The following PLCZ1 variants were observed in gnomAD, a reference collection of about 807,000 sequenced individuals.
PLCZ1 encodes 1-phosphatidylinositol 4,5-bisphosphate phosphodiesterase zeta-1.
PLCZ1 carries 64 observed loss-of-function variants against 76.8 expected under a neutral mutation model. The ratio of observed to expected loss-of-function variants is 0.83; its 90% CI spans 0.68 to 1.03. The LOEUF (loss-of-function observed/expected upper bound fraction) is 1.03. PLCZ1 is among the 50% of genes least tolerant of loss of function. The pLI, the probability that PLCZ1 is intolerant of heterozygous loss-of-function variation, is 0.00. For synonymous variants in PLCZ1, 248 were observed against 230.8 expected (o/e 1.07, Z -0.68); for missense variants, 751 against 713.7 (o/e 1.05, Z -0.60).
chr12:18,653,709 G>A, the PLCZ1 span, among the ~76,000 whole-genome samples: 1 of 152,098 alleles, frequency 6.6e-6, no homozygotes, highest in South Asian at 2.1e-4. Context: ...AGTAGACTCT[G>A]AGTTTAATAA....
At chr12:18,680,785 A>G (rs1445940748), downstream of PLCZ1, among the ~76,000 whole-genome samples, 1 of 152,002 alleles carries the variant, frequency 6.6e-6, no homozygotes, top group Non-Finnish European at 1.5e-5. Flanking sequence ...AGGACTCACT[A>G]TTGGATTTGG....
intron 6 of PLCZ1, among the ~76,000 whole-genome samples, chr12:18,710,642 T>C (rs1354084063): frequency 6.6e-6 from 1 of 152,066 alleles, no homozygotes; most frequent in Non-Finnish European, 1.5e-5. Context: ...GGCAGTGGGA[T>C]CATTTAAATG....
At chr12:18,683,716 G>T in intron 14 of PLCZ1, 1 of 990,498 alleles carries the variant, frequency 1.0e-6, no homozygotes, top group South Asian at 1.3e-5. Flanking sequence ...CAACATAAAG[G>T]TAGTCAGCCC....
chr12:18,708,934 A>C (rs1010931622), intron 6 of PLCZ1, among the ~76,000 whole-genome samples: 3 of 152,036 alleles, frequency 2.0e-5, no homozygotes, highest in Non-Finnish European at 4.4e-5. Flanking sequence ...CATGGTTTGC[A>C]AATATTTTTT....
chr12:18,727,760 T>TG (rs1565738036), intron 3 of PLCZ1, among the ~76,000 whole-genome samples: 1 of 152,184 alleles, frequency 6.6e-6, no homozygotes, highest in Non-Finnish European at 1.5e-5. Flanking sequence ...AAGATTACTC[T>TG]GGCAGCAGTG....
intron 3 of PLCZ1, 83 bp downstream of exon 3, chr12:18,736,138 A>C: frequency 6.7e-7 from 1 of 1,485,330 alleles, no homozygotes; most frequent in Non-Finnish European, 9.2e-7. Flanking sequence ...TCTTCTTAAG[A>C]GACTAACCTT....
chr12:18,731,461 A>G (rs1959042776), intron 3 of PLCZ1, among the ~76,000 whole-genome samples: 1 of 151,142 alleles, frequency 6.6e-6, no homozygotes, highest in East Asian at 1.9e-4. Flanking sequence ...CACTTTAAAA[A>G]CTGGGGCTTG....
chr12:18,711,619 T>A (rs2035624), intron 6 of PLCZ1, among the ~76,000 whole-genome samples: 82,185 of 150,868 alleles, frequency 0.54, 23,613 homozygotes, highest in South Asian at 0.66. Context: ...GAAGGAGAAG[T>A]AGGTTACAGT....
Position 18,728,894 on chromosome 12 carries a change from A to C in PLCZ1, c.136-5352T>G, listed in dbSNP as rs529783590. ...TAAAAGTTTACATTGTGGAGGACCA[A>C]CTAAAGTAAGAAACCATAAACTTGA... On this transcript the variant is annotated intron_variant, in intron 3 of 14. Transcript: ENST00000266505. Among the ~76,000 whole-genome samples, 17 of 152,216 alleles carry C rather than the reference A, an allele frequency of 1.1e-4. No individual in the cohort carries two copies. The East Asian group carries it at 3.3e-3, about 29-fold the overall frequency.
At chr12:18,727,409 G>T (rs575729986) in intron 3 of PLCZ1, among the ~76,000 whole-genome samples, 3 of 152,182 alleles carry the variant, frequency 2.0e-5, no homozygotes, top group South Asian at 4.1e-4. Context: ...AATAAGGAAA[G>T]TTGGACAATT....
At position 18,723,387 on chromosome 12, in the gene PLCZ1, T is replaced by C. The variant is rs1345475674; in HGVS notation, c.291A>G (p.Thr97=). ...LLASNLAQFL[T]QEQYAAEMSK... Reference sequence around the variant, plus strand: ...TCATCTCAGCTGCATATTGTTCTTGTGTCAGAAATTGAGCCAGATTACTTG... The same window carrying C: ...TCATCTCAGCTGCATATTGTTCTTGCGTCAGAAATTGAGCCAGATTACTTG... Residue 97 remains threonine (T), a synonymous_variant, in exon 4 of 15, where the codon ACA becomes ACG. Transcript: ENST00000266505. The C allele has an allele frequency of 3.1e-6, 5 of 1,613,050 alleles. No individual in the cohort carries two copies. Among genetic ancestry groups the C allele is most frequent in the Non-Finnish European group, 4.2e-6 (5 of 1,179,476 alleles).
intron 9 of PLCZ1, 41 bp from the exon 10 acceptor site, chr12:18,699,991 C>T (rs1419241609): frequency 3.8e-6 from 6 of 1,564,168 alleles, no homozygotes; most frequent in South Asian, 2.3e-5. Context: ...TTATGCTAAT[C>T]ATTGGGAAAA....
chr12:18,690,141 T>C (rs1953842425), intron 12 of PLCZ1, among the ~76,000 whole-genome samples: 1 of 152,190 alleles, frequency 6.6e-6, no homozygotes, highest in Non-Finnish European at 1.5e-5. Context: ...ATTTGTTCAA[T>C]GAACCTAGAT....
chr12:18,649,613 C>G, the PLCZ1 span, among the ~76,000 whole-genome samples: 1 of 152,216 alleles, frequency 6.6e-6, no homozygotes, highest in African/African-American at 2.4e-5. Flanking sequence ...TCTGGTTTCT[C>G]ACCTCCAATT....
chr12:18,691,769 T>C (rs530622424), intron 12 of PLCZ1, among the ~76,000 whole-genome samples: 1 of 152,294 alleles, frequency 6.6e-6, no homozygotes, highest in East Asian at 1.9e-4. Flanking sequence ...CAATCCAGTG[T>C]TGTAGGCAAT....
At chr12:18,693,189 T>C in intron 12 of PLCZ1, 1 of 1,561,514 alleles carries the variant, frequency 6.4e-7, no homozygotes, top group Non-Finnish European at 8.8e-7. Context: ...CATTCTTTCA[T>C]TTGCAGACAA....
chr12:18,686,629 G>T lies in PLCZ1; in HGVS notation c.1591+1460C>A, dbSNP rs574445933. On this transcript the variant is annotated intron_variant, in intron 13 of 14. Coordinates refer to ENST00000266505, the MANE Select transcript of PLCZ1 (RefSeq NM_033123.4). ...CTAAAAAATTCTACTCATTCTCCAA[G>T]AACCATCTCCAAAAGTGCCCCCTTG... Among the ~76,000 whole-genome samples, 3 of 152,038 alleles carry T rather than the reference G, an allele frequency of 2.0e-5. No homozygotes were observed. The East Asian group carries it at 5.8e-4, about 30-fold the overall frequency.
rs886867829 is a variant in PLCZ1 at position 18,712,549 on chromosome 12, C to T, written c.714+293G>A. 3.3e-5 allele frequency among the ~76,000 whole-genome samples: 5 copies of T among 152,216 alleles called. No homozygotes were observed. In the East Asian group the frequency reaches 7.7e-4, roughly 24 times the overall value. On this transcript the variant is annotated intron_variant, in intron 6 of 14. Transcript: ENST00000266505. ...ATTACCTAGACCAGTATTTCTCAAA[C>T]TTTCCTGGCCATCATCCACAATAAT... is the stretch of plus-strand genomic sequence containing the variant.
the PLCZ1 span, among the ~76,000 whole-genome samples, chr12:18,671,108 T>C: frequency 6.7e-6 from 1 of 149,166 alleles, no homozygotes; most frequent in East Asian, 2.0e-4. Context: ...GCCTGGGAAG[T>C]GGAGGTGACA....
Sources: gnomAD v4.1 joint callset for allele counts (sites outside exome capture counted in the v4.1 genomes callset) on GRCh38, gnomAD v4.1.1 for gene constraint, MANE v1.5 for transcripts, NCBI Gene and HGNC (gene_info 2026-07-23, HGNC 2026-07-21) for gene names.